The following GLIS1 variants were observed in gnomAD, a reference collection of about 807,000 sequenced individuals.
GLIS1 encodes GLIS family zinc finger 1.
Under a neutral mutation model 63.8 loss-of-function variants are expected in GLIS1, and 24 were observed. That is an observed-to-expected ratio of 0.38 (90% CI 0.27 to 0.53). The LOEUF (loss-of-function observed/expected upper bound fraction) is 0.53, where lower values mean the gene tolerates loss of function less well. Ranked by LOEUF, GLIS1 falls within the 20% of genes least tolerant of loss-of-function variation. The probability of loss-of-function intolerance (pLI) is 0.85; values close to 1 mark genes in which losing one functional copy is unlikely to be tolerated. For missense variants in GLIS1, 1,036 were observed against 1,074.1 expected (o/e 0.96, Z 0.50); for synonymous variants, 450 against 482.5 (o/e 0.93, Z 0.88).
intron 2 of GLIS1, among the ~76,000 whole-genome samples, chr1:53,633,132 T>C (rs185208318): frequency 7.0e-6 from 1 of 142,148 alleles, no homozygotes; most frequent in East Asian, 2.2e-4. Flanking sequence ...GGGGCATGTA[T>C]ATGTGTGACT....
chr1:53,653,902 AAGG>A (rs1371081833), intron 2 of GLIS1, among the ~76,000 whole-genome samples: 6 of 152,288 alleles, frequency 3.9e-5, no homozygotes, highest in Non-Finnish European at 8.8e-5. Context: ...AGTGCTCCCG[AAGG>A]AGAAGTATCC....
At chr1:53,565,208 A>G (rs911893645) in intron 4 of GLIS1, among the ~76,000 whole-genome samples, 3 of 152,064 alleles carry the variant, frequency 2.0e-5, no homozygotes, top group Non-Finnish European at 4.4e-5. Context: ...TAATGCCAAC[A>G]CTACACATCA....
At chr1:53,530,153 T>C (rs558367985) in intron 4 of GLIS1, among the ~76,000 whole-genome samples, 1 of 152,078 alleles carries the variant, frequency 6.6e-6, no homozygotes, top group South Asian at 2.1e-4. Context: ...TCCAGAAAAA[T>C]AGCACCCTGA....
At chr1:53,580,277 G>T (rs115625723) in intron 4 of GLIS1, among the ~76,000 whole-genome samples, 4 of 152,136 alleles carry the variant, frequency 2.6e-5, no homozygotes, top group Non-Finnish European at 5.9e-5. Context: ...GCCCCAGGCC[G>T]CTGCCCCAAG....
Position 53,594,438 on chromosome 1 carries a change from C to T in GLIS1, c.990G>A (p.Glu330=), listed in dbSNP as rs763238878. 1.2e-6 allele frequency: 2 copies of T among 1,612,934 alleles called. No homozygotes were observed. Among genetic ancestry groups the T allele is most frequent in the Admixed American group, 1.7e-5 (1 of 60,024 alleles). ...GGCCCTGCTGGTGAGGCCCAAAGAG[C>T]TCTGAAAACTCATCCGCGGGTTCCT... ...LKQEPADEFS[E]LFGPHQQGLP... Residue 330 remains glutamate, a synonymous_variant, in exon 4 of 11, where the codon GAG becomes GAA. Coordinates refer to ENST00000628545, the MANE Select transcript of GLIS1 (RefSeq NM_001367484.1).
intron 3 of GLIS1, 99 bp from the exon 4 acceptor site, chr1:53,595,089 A>G: frequency 9.0e-7 from 1 of 1,115,944 alleles, no homozygotes; most frequent in South Asian, 2.2e-5. Flanking sequence ...CAAGGGATGG[A>G]CAAGCCCAGG....
At chr1:53,606,837 C>G (rs1038827991) in intron 2 of GLIS1, among the ~76,000 whole-genome samples, 14 of 152,264 alleles carry the variant, frequency 9.2e-5, no homozygotes, top group Non-Finnish European at 1.3e-4. Context: ...TCCCAGACTG[C>G]AAGAATCCCA....
intron 2 of GLIS1, among the ~76,000 whole-genome samples, chr1:53,725,688 T>C (rs1646798812): frequency 6.6e-6 from 1 of 152,178 alleles, no homozygotes; most frequent in African/African-American, 2.4e-5. Flanking sequence ...ACAGCGGGCA[T>C]CCGATAAATA....
intron 2 of GLIS1, among the ~76,000 whole-genome samples, chr1:53,627,969 C>T (rs940819545): frequency 3.9e-5 from 6 of 152,242 alleles, no homozygotes; most frequent in African/African-American, 1.2e-4. Context: ...AAAGCCCTTG[C>T]TCTTTCTGCC....
chr1:53,528,267 G>T (rs1389081926), intron 5 of GLIS1, among the ~76,000 whole-genome samples: 1 of 152,190 alleles, frequency 6.6e-6, no homozygotes, highest in African/African-American at 2.4e-5. Context: ...GGTTCAGGTT[G>T]GGGATGGGGC....
chr1:53,592,281 C>G (rs1182132894), intron 4 of GLIS1, among the ~76,000 whole-genome samples: 3 of 152,198 alleles, frequency 2.0e-5, no homozygotes, highest in Admixed American at 1.3e-4. Context: ...ATTTCCAACA[C>G]AGATACTCTT....
chr1:53,534,809 T>C (rs1644566531), intron 4 of GLIS1, among the ~76,000 whole-genome samples: 1 of 152,050 alleles, frequency 6.6e-6, no homozygotes, highest in Non-Finnish European at 1.5e-5. Flanking sequence ...CCTGGCAGTG[T>C]GCTCTGAGCT....
intron 5 of GLIS1, among the ~76,000 whole-genome samples, chr1:53,525,174 G>A (rs977157014): frequency 6.6e-6 from 1 of 152,002 alleles, no homozygotes; most frequent in Admixed American, 6.5e-5. Flanking sequence ...AGGTCTAAGG[G>A]TTCTTCCAGG....
At chr1:53,714,988 C>T (rs1646683258) in intron 2 of GLIS1, among the ~76,000 whole-genome samples, 1 of 152,174 alleles carries the variant, frequency 6.6e-6, no homozygotes, top group Non-Finnish European at 1.5e-5. Context: ...ACAATCATGC[C>T]TCACTGCAGC....
chr1:53,508,790 TGCCTGGC>T (rs1644263992), intron 10 of GLIS1, among the ~76,000 whole-genome samples: 1 of 152,224 alleles, frequency 6.6e-6, no homozygotes, highest in African/African-American at 2.4e-5. Flanking sequence ...TCTGCAGCTA[TGCCTGGC>T]ACACAGTAGG....
At position 53,509,114 on chromosome 1, in the gene GLIS1, G is replaced by A. The variant is rs1367318933; in HGVS notation, c.2230+6C>T. On this transcript the variant is annotated splice_donor_region_variant and intron_variant, in intron 10 of 10. Coordinates refer to ENST00000628545, the MANE Select transcript of GLIS1 (RefSeq NM_001367484.1). ...CAGGACTGGGAGCCACGCAGGCAGGGCTCACCTGTGGCAGGCAAGGGCGTG... is the reference window on the plus strand; with the variant it reads ...CAGGACTGGGAGCCACGCAGGCAGGACTCACCTGTGGCAGGCAAGGGCGTG... 2.5e-6 allele frequency: 4 copies of A among 1,569,524 alleles called. No individual in the cohort carries two copies. The highest frequency in any genetic ancestry group is 3.5e-6 in the Non-Finnish European group (4 of 1,154,018).
chr1:53,713,063 G>A (rs970753755), intron 2 of GLIS1, among the ~76,000 whole-genome samples: 1 of 152,248 alleles, frequency 6.6e-6, no homozygotes, highest in East Asian at 1.9e-4. Context: ...AAGGAACAGA[G>A]ACGTTGTAGA....
rs1398816859 is a variant in GLIS1, at chr1:53,524,760, G to A, written c.1593+17C>T. Reference sequence around the variant, plus strand: ...GCTGCGAGGTGGGAGGAGGCCAGATGAGGAGGGCTGGCTTACCTTCTTACG... The same window carrying A: ...GCTGCGAGGTGGGAGGAGGCCAGATAAGGAGGGCTGGCTTACCTTCTTACG... On this transcript the variant is annotated intron_variant, in intron 6 of 10. Coordinates refer to ENST00000628545, the MANE Select transcript of GLIS1 (RefSeq NM_001367484.1). The A allele has an allele frequency of 6.3e-7, 1 of 1,594,176 alleles. No individual in the cohort carries two copies. Among genetic ancestry groups the A allele is most frequent in the Admixed American group, 1.7e-5 (1 of 59,930 alleles).
In GLIS1 at chr1:53,506,653, A is replaced by C. The variant is rs762686920; in HGVS notation, c.2354T>G (p.Leu785Arg). ...TGTGTAGATGGAGGGGATGTGGCCC[A>C]GGCAGTGGTCAAAGGCTCCATTGGG... ...FFPNGAFDHC[L>R]GHIPSIYTDT The change falls in exon 11 of 11, where the codon CTG becomes CGG. Residue 785 changes from leucine to arginine, a missense_variant. Coordinates refer to ENST00000628545, the MANE Select transcript of GLIS1 (RefSeq NM_001367484.1). 6.4e-7 allele frequency: 1 copy of C among 1,568,446 alleles called. No homozygotes were observed. Among genetic ancestry groups the C allele is most frequent in the Non-Finnish European group, 8.6e-7 (1 of 1,157,176 alleles).
Sources: gnomAD v4.1 joint callset for allele counts (sites outside exome capture counted in the v4.1 genomes callset) on GRCh38, gnomAD v4.1.1 for gene constraint, MANE v1.5 for transcripts, NCBI Gene and HGNC (gene_info 2026-07-23, HGNC 2026-07-21) for gene names.